The following EPHA6 variants were observed in gnomAD, a reference collection of about 807,000 sequenced individuals.
The protein encoded by EPHA6 is EPH receptor A6.
Under a neutral mutation model 112.0 loss-of-function variants are expected in EPHA6, and 50 were observed. The observed-to-expected ratio is 0.45, with a 90% confidence interval of 0.36 to 0.56. The LOEUF (loss-of-function observed/expected upper bound fraction) is 0.56, where lower values mean the gene tolerates loss of function less well. Ranked by LOEUF, EPHA6 falls within the 20% of genes least tolerant of loss-of-function variation. EPHA6 has a pLI of 0.00. For synonymous variants in EPHA6, 529 were observed against 490.7 expected, an observed-to-expected ratio of 1.08 and a Z score of -1.03; for missense variants, 1,280 against 1,417.4, an observed-to-expected ratio of 0.90 and a Z score of 1.56.
intron 10 of EPHA6, among the ~76,000 whole-genome samples, chr3:97,531,807 A>G (rs576536235): frequency 1.3e-5 from 2 of 152,208 alleles, no homozygotes; most frequent in East Asian, 3.9e-4. Context: ...CTGCATTTCC[A>G]TCCATGTGGC....
intron 7 of EPHA6, 72 bp downstream of exon 7, chr3:97,448,802 A>T (rs1665052664): frequency 1.3e-6 from 2 of 1,498,416 alleles, no homozygotes; most frequent in Non-Finnish European, 1.8e-6. Context: ...ATATTTTAAA[A>T]CCAGGTGTCC....
At chr3:97,437,052 G>A (rs923999336) in intron 6 of EPHA6, among the ~76,000 whole-genome samples, 3 of 147,904 alleles carry the variant, frequency 2.0e-5, no homozygotes, top group African/African-American at 5.0e-5. Context: ...TTTTTTTTGC[G>A]ATTTTTCTTT....
chr3:97,737,705 G>A (rs2035328449), intron 16 of EPHA6, among the ~76,000 whole-genome samples: 1 of 151,924 alleles, frequency 6.6e-6, no homozygotes, highest in African/African-American at 2.4e-5. Flanking sequence ...TTGAACCTCA[G>A]GTAAAAAGAT....
intron 3 of EPHA6, among the ~76,000 whole-genome samples, chr3:97,114,861 A>G (rs1439574290): frequency 1.3e-5 from 2 of 152,006 alleles, no homozygotes; most frequent in African/African-American, 2.4e-5. Context: ...ATCTAATACA[A>G]TTGTACAAAT....
chr3:97,121,504 T>C (rs950003588), intron 3 of EPHA6, among the ~76,000 whole-genome samples: 2 of 152,062 alleles, frequency 1.3e-5, no homozygotes, highest in Non-Finnish European at 2.9e-5. Context: ...CACTCCTACT[T>C]TCTGGTGGAT....
chr3:96,997,720 A>G (rs897027187), intron 3 of EPHA6, among the ~76,000 whole-genome samples: 2 of 152,024 alleles, frequency 1.3e-5, no homozygotes, highest in Admixed American at 1.3e-4. Flanking sequence ...GACCTATGAT[A>G]TAGGATCTAC....
At chr3:97,299,204 T>C (rs1413752076) in intron 5 of EPHA6, among the ~76,000 whole-genome samples, 1 of 150,726 alleles carries the variant, frequency 6.6e-6, no homozygotes, top group African/African-American at 2.5e-5. Flanking sequence ...TGTGTGTGTG[T>C]GTGTGTGTAG....
intron 2 of EPHA6, among the ~76,000 whole-genome samples, chr3:96,928,874 A>G (rs767568257): frequency 5.9e-5 from 9 of 152,064 alleles, no homozygotes; most frequent in Non-Finnish European, 1.2e-4. Context: ...ATTATGTAAT[A>G]CCCTTCTTTG....
intron 6 of EPHA6, among the ~76,000 whole-genome samples, chr3:97,419,625 A>T (rs728073): frequency 1.2e-4 from 14 of 116,152 alleles, no homozygotes; most frequent in African/African-American, 3.8e-4. Context: ...ACTCCCTCTC[A>T]CACACACACA....
rs1411068896 is a variant in EPHA6 at position 97,334,159 on chromosome 3, C to T, written c.1607-70991C>T. Among the ~76,000 whole-genome samples the T allele has an allele frequency of 8.6e-5, 13 of 151,968 alleles. No individual in the cohort carries two copies. The South Asian group carries it at 1.2e-3, about 15-fold the overall frequency. On this transcript the variant is annotated intron_variant, in intron 5 of 17. Transcript: ENST00000389672. ...ATATATGGAAGAAATCCCACCTGGT[C>T]GTAGTATATAACTTTGTTATAGCTT...
At chr3:97,549,053 A>T (rs1261928374) in intron 11 of EPHA6, among the ~76,000 whole-genome samples, 1 of 152,258 alleles carries the variant, frequency 6.6e-6, no homozygotes, top group African/African-American at 2.4e-5. Flanking sequence ...AGTCTAGCAT[A>T]TACAATTATA....
At chr3:96,882,734 G>GTC (rs2037390080) in intron 2 of EPHA6, among the ~76,000 whole-genome samples, 1 of 131,620 alleles carries the variant, frequency 7.6e-6, no homozygotes, top group Non-Finnish European at 1.5e-5. Flanking sequence ...GTGTGTCTGT[G>GTC]TGTGTGTGTG....
At chr3:97,373,027 T>C (rs2085148910) in intron 5 of EPHA6, among the ~76,000 whole-genome samples, 1 of 152,148 alleles carries the variant, frequency 6.6e-6, no homozygotes, top group African/African-American at 2.4e-5. Flanking sequence ...TATTGTGCTT[T>C]TCTGTTTGTG....
intron 13 of EPHA6, among the ~76,000 whole-genome samples, chr3:97,614,444 C>T (rs891511588): frequency 4.0e-5 from 6 of 150,082 alleles, no homozygotes; most frequent in Non-Finnish European, 7.4e-5. Flanking sequence ...AAGTGATTCT[C>T]CTGCCTCAGC....
chr3:97,653,327 G>A (rs1216296036), intron 14 of EPHA6, among the ~76,000 whole-genome samples: 2 of 151,730 alleles, frequency 1.3e-5, no homozygotes, highest in Admixed American at 1.3e-4. Flanking sequence ...TAATAACCTG[G>A]TTAAACATGG....
At chr3:97,581,567 C>A (rs1258166102) in intron 11 of EPHA6, among the ~76,000 whole-genome samples, 1 of 152,182 alleles carries the variant, frequency 6.6e-6, no homozygotes, top group African/African-American at 2.4e-5. Flanking sequence ...GAGAAAAGAG[C>A]CACAGAGAAA....
At position 97,755,999 on chromosome 3, in the gene EPHA6, A is replaced by G. The variant is rs1412631347; in HGVS notation, c.*7298A>G. Among the ~76,000 whole-genome samples the G allele has an allele frequency of 6.6e-6, 1 of 152,062 alleles. No homozygotes were observed. The highest frequency in any genetic ancestry group is 1.5e-5 in the Non-Finnish European group (1 of 67,894). On this transcript the variant is annotated 3_prime_UTR_variant, in exon 18 of 18. Coordinates refer to ENST00000389672, the MANE Select transcript of EPHA6 (RefSeq NM_001080448.3). ...CTACCTTTAGTAATTTGTAGGATGA[A>G]CTGTATGCATTTAGATAGAAATTGC...
At chr3:96,824,148 CTACTT>C (rs57006904) in intron 1 of EPHA6, among the ~76,000 whole-genome samples, 6,183 of 151,496 alleles carry the variant, frequency 0.041, 371 homozygotes, top group African/African-American at 0.13. Context: ...ATAATATTGA[CTACTT>C]TACGACCAGC....
chr3:96,898,645 A>G (rs1460740347), intron 2 of EPHA6, among the ~76,000 whole-genome samples: 1 of 152,156 alleles, frequency 6.6e-6, no homozygotes, highest in Non-Finnish European at 1.5e-5. Flanking sequence ...GTATAACCCA[A>G]TCAGGAATTC....
Sources: allele counts gnomAD v4.1 joint callset (sites outside exome capture counted in the v4.1 genomes callset), GRCh38; gene constraint gnomAD v4.1.1; transcripts MANE v1.5; gene names NCBI Gene and HGNC (gene_info 2026-07-23, HGNC 2026-07-21).